RPS6KA2: variants seen among roughly 807,000 people sequenced by gnomAD.
RPS6KA2 encodes ribosomal protein S6 kinase alpha-2.
Under a neutral mutation model 91.8 loss-of-function variants are expected in RPS6KA2, and 42 were observed. The ratio of observed to expected loss-of-function variants is 0.46; its 90% confidence interval spans 0.36 to 0.59. The LOEUF is 0.59. RPS6KA2 is among the 20% of genes least tolerant of loss of function. The pLI is 0.00. For synonymous variants in RPS6KA2, 414 were observed against 393.6 expected, an observed-to-expected ratio of 1.05 and a Z score of -0.61; for missense variants, 798 against 978.5, an observed-to-expected ratio of 0.82 and a Z score of 2.46.
rs1056153816 is a variant in RPS6KA2 at position 166,423,930 on chromosome 6, ACT to A, written c.1582-515_1582-514del. The A allele has an allele frequency of 2.0e-5, 3 of 152,764 alleles. No homozygotes were observed. The highest frequency in any genetic ancestry group is 7.2e-5 in the African/African-American group (3 of 41,442). 9.5% of individuals were successfully genotyped at this position (152,764 alleles called of 1,614,324 possible). On this transcript the variant is annotated intron_variant, in intron 16 of 20. Transcript: ENST00000265678. The surrounding 1 kb of genome is among the most constrained non-coding windows in gnomAD (Gnocchi z 4.8). ...ACCAGGGCCACGCGATCATGCAGTC[ACT>A]CTGCAATCATGCTCTGAGGCCTCCC...
intron 2 of RPS6KA2, among the ~76,000 whole-genome samples, chr6:166,841,776 C>A (rs1448533144): frequency 6.6e-6 from 1 of 152,204 alleles, no homozygotes. Flanking sequence ...CGGTAACACC[C>A]CGTGACCACT....
chr6:166,844,957 G>A (rs1576141), intron 2 of RPS6KA2, among the ~76,000 whole-genome samples: 83,440 of 151,866 alleles, frequency 0.55, 24,986 homozygotes, highest in Middle Eastern at 0.73. Flanking sequence ...GAATGTAAAT[G>A]GCCTAAATGC....
In RPS6KA2 at chr6:166,409,535, T is replaced by G. The variant is rs1460761954; in HGVS notation, c.*3227A>C. The G allele has an allele frequency of 6.6e-6, 1 of 152,422 alleles. No homozygotes were observed. Among genetic ancestry groups the G allele is most frequent in the African/African-American group, 2.4e-5 (1 of 41,428 alleles). 9.4% of individuals were successfully genotyped at this position (152,422 alleles called of 1,614,324 possible). A position where few individuals can be genotyped will look rare whatever the true frequency, so the allele number is the denominator to read the frequency against. On this transcript the variant is annotated 3_prime_UTR_variant, in exon 21 of 21. Transcript: ENST00000265678. ...TGTGTAAACATAACTGCTGAGCCAG[T>G]GAACAAAGTGCTGAGTCAGGAGCGA...
chr6:166,513,423 C>T (rs533802864), intron 3 of RPS6KA2, among the ~76,000 whole-genome samples: 3 of 152,318 alleles, frequency 2.0e-5, no homozygotes, highest in Non-Finnish European at 2.9e-5. Context: ...CCTCAACTAA[C>T]GGAATCAGGA....
At chr6:166,775,253 C>T (rs1390762603) in intron 2 of RPS6KA2, among the ~76,000 whole-genome samples, 3 of 141,952 alleles carry the variant, frequency 2.1e-5, no homozygotes, top group South Asian at 2.5e-4. Flanking sequence ...CATTGAAAGC[C>T]CCCCCCACCC....
rs111718759 is a variant in RPS6KA2, at chr6:166,599,996, AGTTT to A, written c.99+26921_99+26924del. ...CCTCCGTATATGGGTGAGGGTGGTAAGTTTGTTTGTTTGTTTGTTTGTTTGTTTT... is the reference window on the plus strand; with the variant it reads ...CCTCCGTATATGGGTGAGGGTGGTAAGTTTGTTTGTTTGTTTGTTTGTTTT... On this transcript the variant is annotated intron_variant, in intron 1 of 20. Transcript: ENST00000265678. Among the ~76,000 whole-genome samples the A allele has an allele frequency of 8.8e-4, 134 of 151,882 alleles. 3 individuals carry two copies. Among genetic ancestry groups the A allele is most frequent in the Middle Eastern group, 6.8e-3 (2 of 294 alleles).
rs977890755 is a variant in RPS6KA2, at chr6:166,459,358, T to G, written c.1075+91A>C. 1.7e-5 allele frequency: 13 copies of G among 754,910 alleles called. No individual in the cohort carries two copies. In the Admixed American group the frequency reaches 3.0e-4, roughly 17 times the overall value. 46.8% of individuals were successfully genotyped at this position (754,910 alleles called of 1,614,324 possible). On this transcript the variant is annotated intron_variant, in intron 12 of 20. Transcript: ENST00000265678. The surrounding 1 kb of genome is among the most constrained non-coding windows in gnomAD (Gnocchi z 4.9). ...CAGTTATTTTCCATGAAAAGAATTC[T>G]GAGGCATGGGAATTTCTTGTTCCTA... is the stretch of plus-strand genomic sequence containing the variant.
chr6:166,769,210 A>G (rs1438126683), intron 2 of RPS6KA2, among the ~76,000 whole-genome samples: 1 of 152,208 alleles, frequency 6.6e-6, no homozygotes, highest in Admixed American at 6.5e-5. Context: ...CATCATCTTT[A>G]TTTGGAGTGC....
intron 1 of RPS6KA2, among the ~76,000 whole-genome samples, chr6:166,601,508 A>G (rs976915811): frequency 6.6e-6 from 1 of 152,250 alleles, no homozygotes; most frequent in Non-Finnish European, 1.5e-5. Flanking sequence ...TGTATTAGCT[A>G]TCAAGACTTC....
chr6:166,648,062 ACACATGCACACG>A lies in RPS6KA2; in HGVS notation c.124-109290_124-109279del, dbSNP rs1787705937. Among the ~76,000 whole-genome samples the A allele has an allele frequency of 6.6e-6, 1 of 151,274 alleles. No individual in the cohort carries two copies. Among genetic ancestry groups the A allele is most frequent in the Admixed American group, 6.6e-5 (1 of 15,174 alleles). On this transcript the variant is annotated intron_variant, in intron 2 of 21. Coordinates refer to the RPS6KA2 transcript ENST00000503859. This position sits in a 1 kb window ranked among gnomAD's most constrained non-coding sequence, Gnocchi z 4.8. ...CTCTCACACACATGCACATGCTCAC[ACACATGCACACG>A]CACATGGTCATACACACACGCTCAT...
intron 2 of RPS6KA2, among the ~76,000 whole-genome samples, chr6:166,793,948 G>A (rs528544394): frequency 9.4e-4 from 138 of 146,342 alleles, no homozygotes; most frequent in African/African-American, 3.3e-3. Context: ...GCATGGGCAA[G>A]GACTTCATGT....
chr6:166,786,598 C>A (rs1227425112), intron 2 of RPS6KA2, among the ~76,000 whole-genome samples: 1 of 151,676 alleles, frequency 6.6e-6, no homozygotes, highest in Non-Finnish European at 1.5e-5. Context: ...TCAAACATTG[C>A]TAGGTTAATA....
At chr6:166,482,282 C>T (rs1781254493) in intron 10 of RPS6KA2, among the ~76,000 whole-genome samples, 1 of 152,246 alleles carries the variant, frequency 6.6e-6, no homozygotes, top group Non-Finnish European at 1.5e-5. Flanking sequence ...CACTGGAAGT[C>T]TTGGTTCTTT....
intron 10 of RPS6KA2, among the ~76,000 whole-genome samples, chr6:166,483,322 G>A (rs1562525634): frequency 6.6e-6 from 1 of 152,150 alleles, no homozygotes; most frequent in Non-Finnish European, 1.5e-5. Flanking sequence ...CTCAGAATCC[G>A]GACAACCCCC....
chr6:166,524,026 C>T (rs942864121), intron 3 of RPS6KA2, among the ~76,000 whole-genome samples: 2 of 152,164 alleles, frequency 1.3e-5, no homozygotes, highest in African/African-American at 2.4e-5. Flanking sequence ...TTGGCAAGCT[C>T]GGACTGTGCT....
Position 166,635,421 on chromosome 6 carries a change from C to T in RPS6KA2, c.124-96637G>A, listed in dbSNP as rs906445365. 1.3e-5 allele frequency among the ~76,000 whole-genome samples: 2 copies of T among 152,230 alleles called. No homozygotes were observed. Among genetic ancestry groups the T allele is most frequent in the Admixed American group, 6.5e-5 (1 of 15,282 alleles). On this transcript the variant is annotated intron_variant, in intron 2 of 21. Coordinates refer to the RPS6KA2 transcript ENST00000503859. This position sits in a 1 kb window ranked among gnomAD's most constrained non-coding sequence, Gnocchi z 4.8. Reference sequence around the variant, plus strand: ...GAGGGGAGAGAAAGCCCTACGGGAGCCCCCAGAGGAGCCCTTAGTCTCGCA... The same window carrying T: ...GAGGGGAGAGAAAGCCCTACGGGAGTCCCCAGAGGAGCCCTTAGTCTCGCA...
At chr6:166,480,745 C>G (rs1320329749) in intron 10 of RPS6KA2, among the ~76,000 whole-genome samples, 1 of 151,876 alleles carries the variant, frequency 6.6e-6, no homozygotes, top group Non-Finnish European at 1.5e-5. Context: ...AAACTCCTGA[C>G]CTCAGGTGAT....
intron 2 of RPS6KA2, among the ~76,000 whole-genome samples, chr6:166,680,607 C>A (rs1452538053): frequency 1.3e-5 from 2 of 152,176 alleles, no homozygotes; most frequent in Admixed American, 6.5e-5. Context: ...CCAGGAGGGA[C>A]GAACAACTCT....
At chr6:166,456,348 C>T (rs1304758892) in intron 12 of RPS6KA2, among the ~76,000 whole-genome samples, 5 of 152,090 alleles carry the variant, frequency 3.3e-5, no homozygotes, top group Admixed American at 2.6e-4. Flanking sequence ...TGAGGGATGC[C>T]GATTTTCAGC....
Sources: allele counts gnomAD v4.1 joint callset (sites outside exome capture counted in the v4.1 genomes callset), GRCh38; gene constraint gnomAD v4.1.1; non-coding constraint Gnocchi (gnomAD v3.1); transcripts MANE v1.5; gene names NCBI Gene and HGNC (gene_info 2026-07-23, HGNC 2026-07-21).